The following TRIM58 variants were observed in gnomAD, a reference collection of about 807,000 sequenced individuals.
The protein encoded by TRIM58 is tripartite motif containing 58.
A neutral mutation model predicts 34.1 loss-of-function variants in TRIM58; 38 were observed. That is an observed-to-expected ratio of 1.12 (90% CI 0.86 to 1.46). The LOEUF (loss-of-function observed/expected upper bound fraction) is 1.46, where lower values mean the gene tolerates loss of function less well. Among genes scored for constraint, TRIM58 ranks in the 40% most tolerant of loss-of-function variants. The pLI is 0.00. For synonymous variants in TRIM58, 273 were observed against 275.7 expected (o/e 0.99, Z 0.10); for missense variants, 677 against 642.0 (o/e 1.05, Z -0.59).
At position 247,878,836 on chromosome 1, in the gene TRIM58, T is replaced by C. The variant is rs895988838; in HGVS notation, c.*2347T>C. On this transcript the variant is annotated 3_prime_UTR_variant, in exon 6 of 6. Transcript: ENST00000366481. ...GAATCCTGTCTCACTGTGCATATTA[T>C]TGTGGTTTATATCAGTCAGTAAACC... is the stretch of plus-strand genomic sequence containing the variant. Among the ~76,000 whole-genome samples, 4 of 152,180 alleles carry C rather than the reference T, an allele frequency of 2.6e-5. No homozygotes were observed. The highest frequency in any genetic ancestry group is 5.9e-5 in the Non-Finnish European group (4 of 68,032).
chr1:247,875,535 C>CTCTCTG (rs1193411747), intron 5 of TRIM58, among the ~76,000 whole-genome samples: 1 of 151,234 alleles, frequency 6.6e-6, no homozygotes, highest in Non-Finnish European at 1.5e-5. Flanking sequence ...AAGACCCCGT[C>CTCTCTG]TCTCTGTCTC....
At position 247,877,574 on chromosome 1, in the gene TRIM58, CAAAAA is replaced by C. The variant is rs1452364155; in HGVS notation, c.*1087_*1091del. On this transcript the variant is annotated 3_prime_UTR_variant, in exon 6 of 6. Transcript: ENST00000366481. ...TCCAGCCCAGTGCGAGACTCCATCT[CAAAAA>C]AGAAAAAAGACCTCAAACAACACTT... 6.6e-6 allele frequency: 1 copy of C among 151,878 alleles called. No homozygotes were observed. Among genetic ancestry groups the C allele is most frequent in the African/African-American group, 2.4e-5 (1 of 41,348 alleles). 9.4% of individuals were successfully genotyped at this position (151,878 alleles called of 1,614,324 possible). A position where few individuals can be genotyped will look rare whatever the true frequency, so the allele number is the denominator to read the frequency against.
intron 1 of TRIM58, among the ~76,000 whole-genome samples, chr1:247,857,926 C>T (rs902665754): frequency 6.6e-6 from 1 of 152,226 alleles, no homozygotes; most frequent in Non-Finnish European, 1.5e-5. Flanking sequence ...GTCGAACTCG[C>T]GCTGGGCTGG....
rs1659334643 is a variant in TRIM58, at chr1:247,878,227, T to C, written c.*1738T>C. Reference sequence around the variant, plus strand: ...AATAAATATTACACAAATGCTAAAATGTTTAAATGGTAAATGCTTCAATGC... The same window carrying C: ...AATAAATATTACACAAATGCTAAAACGTTTAAATGGTAAATGCTTCAATGC... On this transcript the variant is annotated 3_prime_UTR_variant, in exon 6 of 6. Transcript: ENST00000366481. 6.6e-6 allele frequency: 1 copy of C among 151,996 alleles called. No individual in the cohort carries two copies. Among genetic ancestry groups the C allele is most frequent in the Non-Finnish European group, 1.5e-5 (1 of 68,006 alleles). 9.4% of individuals were successfully genotyped at this position (151,996 alleles called of 1,614,324 possible).
chr1:247,867,095 C>T (rs2103328079), intron 3 of TRIM58, among the ~76,000 whole-genome samples: 1 of 152,114 alleles, frequency 6.6e-6, no homozygotes, highest in South Asian at 2.1e-4. Context: ...TTAAAGGCTT[C>T]CTTTATTAAT....
chr1:247,873,068 TA>T (rs1339871629), intron 5 of TRIM58, among the ~76,000 whole-genome samples: 1 of 152,030 alleles, frequency 6.6e-6, no homozygotes, highest in African/African-American at 2.4e-5. Flanking sequence ...TTGTCTCTAC[TA>T]AAAATACAAA....
chr1:247,861,001 C>G (rs550522118), intron 2 of TRIM58, among the ~76,000 whole-genome samples: 1 of 152,292 alleles, frequency 6.6e-6, no homozygotes, highest in African/African-American at 2.4e-5. Context: ...AGAATAGCAT[C>G]TTATACTGTT....
At chr1:247,862,945 G>A (rs1463190492) in intron 2 of TRIM58, among the ~76,000 whole-genome samples, 4 of 152,114 alleles carry the variant, frequency 2.6e-5, no homozygotes, top group Non-Finnish European at 5.9e-5. Context: ...CGTGCCCCAG[G>A]TATGACTCTA....
In TRIM58 at chr1:247,878,469, C is replaced by G. The variant is rs976595481; in HGVS notation, c.*1980C>G. 1.3e-5 allele frequency among the ~76,000 whole-genome samples: 2 copies of G among 152,160 alleles called. No individual in the cohort carries two copies. Among genetic ancestry groups the G allele is most frequent in the African/African-American group, 4.8e-5 (2 of 41,438 alleles). Reference sequence around the variant, plus strand: ...GATCATGAGCGAACACTTCTACTCTCTGTGATAGATTTGCAAACAGAGGAA... The same window carrying G: ...GATCATGAGCGAACACTTCTACTCTGTGTGATAGATTTGCAAACAGAGGAA... On this transcript the variant is annotated 3_prime_UTR_variant, in exon 6 of 6. Transcript: ENST00000366481.
chr1:247,862,170 G>C (rs1347229854), intron 2 of TRIM58, among the ~76,000 whole-genome samples: 1 of 152,092 alleles, frequency 6.6e-6, no homozygotes, highest in African/African-American at 2.4e-5. Flanking sequence ...GTACATTATA[G>C]GTAAATGATG....
At chr1:247,867,646 C>T (rs1663960674) in intron 3 of TRIM58, among the ~76,000 whole-genome samples, 199 bp from the exon 4 acceptor site, 7 of 152,078 alleles carry the variant, frequency 4.6e-5, no homozygotes, top group Admixed American at 4.6e-4. Flanking sequence ...GAGATTGCGC[C>T]ATTGCACTCC....
chr1:247,862,010 C>T (rs1408698112), intron 2 of TRIM58, among the ~76,000 whole-genome samples: 1 of 152,116 alleles, frequency 6.6e-6, no homozygotes, highest in Non-Finnish European at 1.5e-5. Flanking sequence ...TGCCTATAAT[C>T]CCAGCTACTC....
chr1:247,863,261 T>C (rs1558349388), intron 2 of TRIM58, among the ~76,000 whole-genome samples: 1 of 152,156 alleles, frequency 6.6e-6, no homozygotes, highest in African/African-American at 2.4e-5. Context: ...GCAAATAGGC[T>C]GGGCACAGTG....
rs1659319011 is a variant in TRIM58 at position 247,877,571 on chromosome 1, T to C, written c.*1082T>C. The C allele has an allele frequency of 6.6e-6, 1 of 152,012 alleles. No homozygotes were observed. Among genetic ancestry groups the C allele is most frequent in the Admixed American group, 6.6e-5 (1 of 15,246 alleles). The allele number at this position is 152,012 out of a possible 1,614,324, so 9.4% of individuals were successfully genotyped here. A position where few individuals can be genotyped will look rare whatever the true frequency, so the allele number is the denominator to read the frequency against. On this transcript the variant is annotated 3_prime_UTR_variant, in exon 6 of 6. Coordinates refer to ENST00000366481, the MANE Select transcript of TRIM58 (RefSeq NM_015431.4). ...TACTCCAGCCCAGTGCGAGACTCCA[T>C]CTCAAAAAAGAAAAAAGACCTCAAA...
At position 247,857,772 on chromosome 1, in the gene TRIM58, G is replaced by T. The variant is rs1392098235; in HGVS notation, c.420+106G>T. On this transcript the variant is annotated intron_variant, in intron 1 of 5. Transcript: ENST00000366481. ...CACCCGTCTCCTGAGCGGCTCCCAC[G>T]GCCGCTCCCCCCACCGCGCGCCGTC... The T allele has an allele frequency of 2.5e-6, 3 of 1,186,598 alleles. No homozygotes were observed. The East Asian group carries it at 1.1e-4, about 43-fold the overall frequency. The allele number at this position is 1,186,598 out of a possible 1,614,324, so 73.5% of individuals were successfully genotyped here. A position where few individuals can be genotyped will look rare whatever the true frequency, so the allele number is the denominator to read the frequency against.
At chr1:247,868,934 C>CT (rs35237755) in intron 5 of TRIM58, among the ~76,000 whole-genome samples, 15,473 of 152,142 alleles carry the variant, frequency 0.1, 892 homozygotes, top group South Asian at 0.15. Flanking sequence ...AAGTCTTACT[C>CT]TGTCGCCCAG....
chr1:247,864,982 CAG>C lies in TRIM58; in HGVS notation c.747+51_747+52del, dbSNP rs539404475. The C allele has an allele frequency of 8.3e-5, 124 of 1,487,968 alleles. 1 individual carries two copies. In the South Asian group the frequency reaches 1.5e-3, roughly 18 times the overall value. The allele number at this position is 1,487,968 out of a possible 1,614,324, so 92.2% of individuals were successfully genotyped here. A position where few individuals can be genotyped will look rare whatever the true frequency, so the allele number is the denominator to read the frequency against. ...GCAGGCAGATGTGAGACTCAGGTGA[CAG>C]AGACTAGTACAATGGCTTTCAGAGA... is the stretch of plus-strand genomic sequence containing the variant. On this transcript the variant is annotated intron_variant, in intron 3 of 5. Coordinates refer to ENST00000366481, the MANE Select transcript of TRIM58 (RefSeq NM_015431.4).
chr1:247,865,175 G>T (rs1299722379), intron 3 of TRIM58, among the ~76,000 whole-genome samples: 1 of 152,134 alleles, frequency 6.6e-6, no homozygotes, highest in African/African-American at 2.4e-5. Flanking sequence ...CATGCCTGTA[G>T]TCCCAGTTAT....
intron 2 of TRIM58, among the ~76,000 whole-genome samples, chr1:247,863,503 A>G (rs1247745497): frequency 6.6e-6 from 1 of 151,820 alleles, no homozygotes; most frequent in East Asian, 1.9e-4. Flanking sequence ...GCGCCACTGC[A>G]CTCTAGCCTG....
Sources: allele counts gnomAD v4.1 joint callset (sites outside exome capture counted in the v4.1 genomes callset), GRCh38; gene constraint gnomAD v4.1.1; transcripts MANE v1.5; gene names NCBI Gene and HGNC (gene_info 2026-07-23, HGNC 2026-07-21).